Variants in IGFL2 observed in about 807,000 individuals in gnomAD.
IGFL2 encodes IGF like family member 2.
IGFL2 carries 7 observed loss-of-function variants against 13.9 expected under a neutral mutation model. That is an observed-to-expected ratio of 0.51 (90% confidence interval 0.29 to 0.95). IGFL2 has a LOEUF of 0.95. Ranked by LOEUF, IGFL2 falls within the 40% of genes least tolerant of loss-of-function variation. The probability of loss-of-function intolerance (pLI) is 0.08; values close to 1 mark genes in which losing one functional copy is unlikely to be tolerated. For missense variants in IGFL2, 138 were observed against 147.8 expected, an observed-to-expected ratio of 0.93 and a Z score of 0.34; for synonymous variants, 55 against 55.8, an observed-to-expected ratio of 0.99 and a Z score of 0.07.
At chr19:46,078,716 T>A in the IGFL2 span, among the ~76,000 whole-genome samples, 31 of 152,310 alleles carry the variant, frequency 2.0e-4, no homozygotes, top group African/African-American at 6.3e-4. Flanking sequence ...GCACTCTCTC[T>A]GGGGGTATTT....
chr19:46,166,178 G>T (rs186284576), downstream of IGFL2, among the ~76,000 whole-genome samples: 1 of 152,190 alleles, frequency 6.6e-6, no homozygotes, highest in South Asian at 2.1e-4. Flanking sequence ...CGGGGGACCT[G>T]CCCCGATAAT....
At chr19:46,172,342 A>G in the IGFL2 span, among the ~76,000 whole-genome samples, 3 of 152,174 alleles carry the variant, frequency 2.0e-5, no homozygotes, top group African/African-American at 7.2e-5. Flanking sequence ...ATTGTAAAAC[A>G]TGGGAAAATG....
chr19:46,158,728 T>C (rs920654946), intron 1 of IGFL2, among the ~76,000 whole-genome samples: 3 of 152,280 alleles, frequency 2.0e-5, no homozygotes, highest in African/African-American at 7.2e-5. Flanking sequence ...TTGATCTTCT[T>C]AGGCTTTGTA....
At chr19:46,124,764 C>A in the IGFL2 span, 22 of 857,812 alleles carry the variant, frequency 2.6e-5, no homozygotes, top group African/African-American at 3.4e-4. Flanking sequence ...TGGATGGCTG[C>A]TGATCATGCC....
the IGFL2 span, among the ~76,000 whole-genome samples, chr19:46,087,928 A>C: frequency 6.6e-6 from 1 of 152,020 alleles, no homozygotes; most frequent in Admixed American, 6.6e-5. Flanking sequence ...AGGACTTAGG[A>C]GTTTGTGGGA....
the IGFL2 span, among the ~76,000 whole-genome samples, chr19:46,121,080 T>TA: frequency 6.6e-6 from 1 of 150,408 alleles, no homozygotes; most frequent in African/African-American, 2.5e-5. Flanking sequence ...TTTCAGCGCT[T>TA]AGAAAGTTCC....
chr19:46,168,930 GTGTGTGTGTA>G, the IGFL2 span, among the ~76,000 whole-genome samples: 2 of 151,736 alleles, frequency 1.3e-5, no homozygotes, highest in Non-Finnish European at 2.9e-5. Context: ...GTGTGTGTGT[GTGTGTGTGTA>G]TGTGTATGTG....
At chr19:46,098,301 T>G in the IGFL2 span, among the ~76,000 whole-genome samples, 1 of 152,186 alleles carries the variant, frequency 6.6e-6, no homozygotes, top group African/African-American at 2.4e-5. Flanking sequence ...AAAGTCTGTT[T>G]TGTCAGAAAC....
At chr19:46,214,626 G>C in the IGFL2 span, 2 of 151,850 alleles carry the variant, frequency 1.3e-5, no homozygotes, top group Non-Finnish European at 2.9e-5. Context: ...CTGAAGCCCA[G>C]GGCCTTCATC....
chr19:46,137,119 C>A, the IGFL2 span: 1 of 1,608,842 alleles, frequency 6.2e-7, no homozygotes, highest in Non-Finnish European at 8.5e-7. Context: ...TTGGGTTTGG[C>A]CCAGATGTAC....
chr19:46,101,503 T>G, the IGFL2 span, among the ~76,000 whole-genome samples: 1 of 152,140 alleles, frequency 6.6e-6, no homozygotes, highest in Non-Finnish European at 1.5e-5. Context: ...GAGTCCACAA[T>G]CTGCCACAAC....
chr19:46,209,497 G>C, the IGFL2 span: 2 of 152,220 alleles, frequency 1.3e-5, no homozygotes, highest in Admixed American at 6.5e-5. Flanking sequence ...CATCCTGCTA[G>C]AAGAGGGTAG....
At chr19:46,167,589 G>GGATAT in the IGFL2 span, among the ~76,000 whole-genome samples, 1 of 152,136 alleles carries the variant, frequency 6.6e-6, no homozygotes, top group Non-Finnish European at 1.5e-5. Flanking sequence ...GGGGACCAGG[G>GGATAT]CTCACACTTT....
chr19:46,108,347 A>G, the IGFL2 span, among the ~76,000 whole-genome samples: 1 of 152,320 alleles, frequency 6.6e-6, no homozygotes, highest in African/African-American at 2.4e-5. Context: ...TTTTTTGACA[A>G]AAATTATCTA....
the IGFL2 span, among the ~76,000 whole-genome samples, chr19:46,174,223 A>G: frequency 1.3e-5 from 2 of 152,254 alleles, no homozygotes; most frequent in South Asian, 4.1e-4. Flanking sequence ...CAGAATTTTC[A>G]GGGCTCAGTG....
chr19:46,199,795 G>T, the IGFL2 span, among the ~76,000 whole-genome samples: 2 of 152,246 alleles, frequency 1.3e-5, no homozygotes, highest in Non-Finnish European at 2.9e-5. Flanking sequence ...CCCGTTATTG[G>T]GAGATGTGTT....
intron 2 of IGFL2, 43 bp downstream of exon 2, chr19:46,160,511 C>G: frequency 6.2e-7 from 1 of 1,612,928 alleles, no homozygotes; most frequent in Non-Finnish European, 8.5e-7. Context: ...AGGAGGCTGA[C>G]TTTGGAAAGT....
intron 1 of IGFL2, 52 bp from the exon 2 acceptor site, chr19:46,160,363 C>T: frequency 6.5e-7 from 1 of 1,546,516 alleles, no homozygotes. Flanking sequence ...TGAGATCAAC[C>T]TAGTGGCCAC....
At chr19:46,146,611 G>A (rs183872159), upstream of IGFL2, among the ~76,000 whole-genome samples, 4 of 152,186 alleles carry the variant, frequency 2.6e-5, no homozygotes, top group African/African-American at 7.2e-5. Context: ...TGTATTTAAG[G>A]TTTCCTTGAA....
Sources: gnomAD v4.1 joint callset for allele counts (sites outside exome capture counted in the v4.1 genomes callset) on GRCh38, gnomAD v4.1.1 for gene constraint, MANE v1.5 for transcripts, NCBI Gene and HGNC (gene_info 2026-07-23, HGNC 2026-07-21) for gene names.